Variants in ROBO2 observed in about 807,000 individuals in gnomAD.
ROBO2 encodes roundabout homolog 2.
A neutral mutation model predicts 160.8 loss-of-function variants in ROBO2; 53 were observed. The ratio of observed to expected loss-of-function variants is 0.33; its 90% CI spans 0.26 to 0.41. The LOEUF (loss-of-function observed/expected upper bound fraction) is 0.41, where lower values mean the gene tolerates loss of function less well. Ranked by LOEUF, ROBO2 falls within the 10% of genes least tolerant of loss-of-function variation. The probability of loss-of-function intolerance (pLI) is 1.00; values close to 1 mark genes in which losing one functional copy is unlikely to be tolerated. For missense variants in ROBO2, 1,577 were observed against 1,722.4 expected (o/e 0.92, Z 1.49); for synonymous variants, 664 against 611.7 (o/e 1.09, Z -1.26).
intron 2 of ROBO2, among the ~76,000 whole-genome samples, chr3:76,792,781 C>T (rs942531166): frequency 6.6e-6 from 1 of 151,650 alleles, no homozygotes; most frequent in Non-Finnish European, 1.5e-5. Flanking sequence ...TCAACCCAAA[C>T]TTTTTTTCTA....
chr3:76,742,941 A>G (rs924857555), intron 2 of ROBO2, among the ~76,000 whole-genome samples: 1 of 152,046 alleles, frequency 6.6e-6, no homozygotes, highest in African/African-American at 2.4e-5. Context: ...TATGGCCAAC[A>G]GTGTTATGAT....
At chr3:76,127,193 A>G (rs2071022575) in intron 2 of ROBO2, among the ~76,000 whole-genome samples, 3 of 152,248 alleles carry the variant, frequency 2.0e-5, no homozygotes, top group South Asian at 4.1e-4. Flanking sequence ...GGATTAACCA[A>G]TTTACATCAA....
At chr3:76,337,140 T>C (rs1035328663) in intron 2 of ROBO2, among the ~76,000 whole-genome samples, 6 of 152,194 alleles carry the variant, frequency 3.9e-5, no homozygotes, top group African/African-American at 1.2e-4. Context: ...GCTGTAAAAG[T>C]TGATCTTTCA....
At chr3:77,437,131 G>A (rs1037076501) in intron 2 of ROBO2, among the ~76,000 whole-genome samples, 15 of 152,024 alleles carry the variant, frequency 9.9e-5, no homozygotes, top group Admixed American at 9.8e-4. Context: ...AAGGATGACA[G>A]ATTTTTGCTT....
At chr3:76,688,735 C>T (rs550019320) in intron 2 of ROBO2, among the ~76,000 whole-genome samples, 5 of 151,844 alleles carry the variant, frequency 3.3e-5, no homozygotes, top group Non-Finnish European at 7.4e-5. Flanking sequence ...TGTTTCACTC[C>T]TTGTAATCAT....
chr3:76,235,489 A>G (rs1704887094), intron 2 of ROBO2, among the ~76,000 whole-genome samples: 1 of 152,174 alleles, frequency 6.6e-6, no homozygotes, highest in Non-Finnish European at 1.5e-5. Context: ...TGTTGTTTTT[A>G]GCTACCTGGT....
intron 2 of ROBO2, among the ~76,000 whole-genome samples, chr3:76,274,211 T>G (rs1707781280): frequency 6.6e-6 from 1 of 152,186 alleles, no homozygotes; most frequent in Non-Finnish European, 1.5e-5. Flanking sequence ...TGATACTACA[T>G]ACATACAACC....
At chr3:76,460,076 A>G (rs572789306) in intron 2 of ROBO2, among the ~76,000 whole-genome samples, 16 of 152,072 alleles carry the variant, frequency 1.1e-4, no homozygotes, top group Non-Finnish European at 2.1e-4. Context: ...ATTATCCTCC[A>G]TTTCTGGGGC....
At chr3:76,855,880 G>C (rs1366937263) in intron 2 of ROBO2, among the ~76,000 whole-genome samples, 1 of 152,134 alleles carries the variant, frequency 6.6e-6, no homozygotes, top group African/African-American at 2.4e-5. Context: ...GAAAAAAAAT[G>C]ACTAAGAATT....
chr3:77,133,692 T>C (rs1029056251), intron 2 of ROBO2, among the ~76,000 whole-genome samples: 9 of 149,762 alleles, frequency 6.0e-5, no homozygotes, highest in Admixed American at 5.9e-4. Context: ...TATTTTAAAA[T>C]AACATTACTG....
At chr3:77,098,160 C>G in exon 2 of ROBO2, 2 of 1,614,132 alleles carry the variant, frequency 1.2e-6, no homozygotes, top group Non-Finnish European at 1.7e-6. Context: ...AGATGGGGAG[C>G]GAGTGGAGAC....
chr3:76,075,589 A>G (rs1339195803), intron 2 of ROBO2, among the ~76,000 whole-genome samples: 1 of 151,932 alleles, frequency 6.6e-6, no homozygotes, highest in Non-Finnish European at 1.5e-5. Context: ...AACATTTTAC[A>G]CAATGTAATG....
chr3:76,874,391 A>G (rs2072479167), intron 2 of ROBO2, among the ~76,000 whole-genome samples: 1 of 152,128 alleles, frequency 6.6e-6, no homozygotes, highest in Non-Finnish European at 1.5e-5. Flanking sequence ...TTATTGCCCA[A>G]AAATTTCCCT....
At position 76,913,310 on chromosome 3, in the gene ROBO2, G is replaced by C. The variant is rs1323871830; in HGVS notation, c.110-184704G>C. On this transcript the variant is annotated intron_variant, in intron 2 of 26. Coordinates refer to the ROBO2 transcript ENST00000487694. Reference sequence around the variant, plus strand: ...TGTGTTGAAGATCGTCATTACGGAGGGAGTCACGCTCTCCCTACTCGTGAA... The same window carrying C: ...TGTGTTGAAGATCGTCATTACGGAGCGAGTCACGCTCTCCCTACTCGTGAA... Among the ~76,000 whole-genome samples the C allele has an allele frequency of 2.0e-5, 3 of 152,036 alleles. No homozygotes were observed. The East Asian group carries it at 5.8e-4, about 29-fold the overall frequency.
chr3:76,520,173 A>G (rs1400348557), intron 2 of ROBO2, among the ~76,000 whole-genome samples: 1 of 152,138 alleles, frequency 6.6e-6, no homozygotes, highest in East Asian at 1.9e-4. Flanking sequence ...TTTCCAGGCC[A>G]GGCGCAGTGG....
At chr3:76,667,576 A>AC (rs2110128243) in intron 2 of ROBO2, among the ~76,000 whole-genome samples, 1 of 152,068 alleles carries the variant, frequency 6.6e-6, no homozygotes, top group African/African-American at 2.4e-5. Context: ...CAAATCAGAA[A>AC]AAACAACATT....
rs62249922 is a variant in ROBO2 at position 76,989,813 on chromosome 3, A to C, written c.110-108201A>C. ...ACAAGTTATAATGACAGGTGAAATA[A>C]AATTTTCTTATATAGTTTGTCTGTG... On this transcript the variant is annotated intron_variant, in intron 2 of 26. Transcript: ENST00000487694. Among the ~76,000 whole-genome samples, 832 of 152,216 alleles carry C rather than the reference A, an allele frequency of 5.5e-3. 9 individuals carry two copies. The highest frequency in any genetic ancestry group is 8.6e-3 in the Non-Finnish European group (582 of 68,016).
At chr3:76,989,742 A>AG (rs2060567812) in intron 2 of ROBO2, among the ~76,000 whole-genome samples, 2 of 152,152 alleles carry the variant, frequency 1.3e-5, no homozygotes, top group Admixed American at 6.6e-5. Context: ...AAACTGATAT[A>AG]AGACTAGAGA....
At chr3:75,993,190 A>G (rs1212395851) in intron 2 of ROBO2, among the ~76,000 whole-genome samples, 1 of 152,126 alleles carries the variant, frequency 6.6e-6, no homozygotes, top group Non-Finnish European at 1.5e-5. Flanking sequence ...GGGCCGAATT[A>G]TATAGTTTGG....
Sources: allele counts gnomAD v4.1 joint callset (sites outside exome capture counted in the v4.1 genomes callset), GRCh38; gene constraint gnomAD v4.1.1; transcripts MANE v1.5; gene names NCBI Gene and HGNC (gene_info 2026-07-23, HGNC 2026-07-21).